Variants in NUP153 observed in about 807,000 individuals in gnomAD.
NUP153 encodes the protein nucleoporin 153.
In NUP153, 27 loss-of-function variants were observed where a neutral mutation model predicts 134.6. That is an observed-to-expected ratio of 0.20 (90% confidence interval 0.15 to 0.28). NUP153 has a LOEUF of 0.28. Among genes scored for constraint, NUP153 ranks in the 10% least tolerant of loss-of-function variants. The probability of loss-of-function intolerance (pLI) is 1.00; values close to 1 mark genes in which losing one functional copy is unlikely to be tolerated. For synonymous variants in NUP153, 640 were observed against 623.5 expected, an observed-to-expected ratio of 1.03 and a Z score of -0.40; for missense variants, 1,821 against 1,731.3, an observed-to-expected ratio of 1.05 and a Z score of -0.92.
At chr6:17,651,791 A>T in intron 11 of NUP153, 1 of 561,524 alleles carries the variant, frequency 1.8e-6, no homozygotes. Flanking sequence ...AGGGCCTCAA[A>T]ATCCATGAAA....
At chr6:17,648,139 AC>A (rs1461846973) in intron 12 of NUP153, among the ~76,000 whole-genome samples, 1 of 152,210 alleles carries the variant, frequency 6.6e-6, no homozygotes, top group African/African-American at 2.4e-5. Flanking sequence ...AAGTAAAGTA[AC>A]ATCTATAAGA....
chr6:17,704,091 G>C (rs1255255375), intron 1 of NUP153, among the ~76,000 whole-genome samples: 1 of 152,218 alleles, frequency 6.6e-6, no homozygotes, highest in African/African-American at 2.4e-5. Flanking sequence ...AGGAGATCGA[G>C]ATCGTCCTGG....
At chr6:17,656,814 T>C (rs916878051) in intron 11 of NUP153, among the ~76,000 whole-genome samples, 1 of 152,214 alleles carries the variant, frequency 6.6e-6, no homozygotes, top group African/African-American at 2.4e-5. Context: ...ACGTGCACAG[T>C]TGTCTCTTCA....
At chr6:17,645,951 G>T in intron 14 of NUP153, 116 bp downstream of exon 14, 1 of 465,650 alleles carries the variant, frequency 2.1e-6, no homozygotes, top group East Asian at 3.5e-5. Context: ...GCTTTTCAGA[G>T]CTAATTTCAT....
At chr6:17,704,248 C>T (rs924957483) in intron 1 of NUP153, among the ~76,000 whole-genome samples, 3 of 150,692 alleles carry the variant, frequency 2.0e-5, no homozygotes, top group African/African-American at 4.9e-5. Flanking sequence ...GCCAAGATCG[C>T]GCCACTGCAC....
At chr6:17,667,735 G>A (rs1767626438) in intron 8 of NUP153, among the ~76,000 whole-genome samples, 1 of 152,018 alleles carries the variant, frequency 6.6e-6, no homozygotes, top group Admixed American at 6.6e-5. Flanking sequence ...AGAAAAAAAA[G>A]AAAAATCCAA....
intron 1 of NUP153, among the ~76,000 whole-genome samples, chr6:17,694,448 CAA>C: frequency 6.6e-6 from 1 of 152,190 alleles, no homozygotes; most frequent in Middle Eastern, 3.4e-3. Flanking sequence ...TACCTGAGGT[CAA>C]GAGTTCAAGA....
intron 17 of NUP153, among the ~76,000 whole-genome samples, chr6:17,632,256 G>T (rs1432290343): frequency 6.6e-6 from 1 of 152,008 alleles, no homozygotes; most frequent in South Asian, 2.1e-4. Flanking sequence ...AGCAGAGATC[G>T]CGCCCCCGTA....
chr6:17,661,739 C>T lies in NUP153; in HGVS notation c.1309G>A (p.Gly437Ser), dbSNP rs1767197447. 1 of 1,613,354 alleles carries T rather than the reference C, an allele frequency of 6.2e-7. No homozygotes were observed. Among genetic ancestry groups the T allele is most frequent in the South Asian group, 1.1e-5 (1 of 90,918 alleles). Residue 437 changes from glycine to serine, a missense_variant, in exon 11 of 22, where the codon GGT becomes AGT. Physicochemically the swap from Gly to Ser is moderately conservative, Grantham distance 56. Coordinates refer to ENST00000262077, the MANE Select transcript of NUP153 (RefSeq NM_005124.4). Reference sequence around the variant, plus strand: ...CCACCACCTACTCCAGAAGATAAACCATTGGCTGCAGGCAAACTGAAATTT... The same window carrying T: ...CCACCACCTACTCCAGAAGATAAACTATTGGCTGCAGGCAAACTGAAATTT... The part of the protein sequence containing the change: ...YPNFSLPAAN[G>S]LSSGVGGGGG...
At chr6:17,642,573 G>C (rs1438992521) in intron 14 of NUP153, among the ~76,000 whole-genome samples, 3 of 152,206 alleles carry the variant, frequency 2.0e-5, no homozygotes, top group Non-Finnish European at 4.4e-5. Flanking sequence ...TGGTGAAGTT[G>C]TATACTGCTA....
chr6:17,629,266 T>C lies in NUP153; in HGVS notation c.2933A>G (p.Asn978Ser), dbSNP rs1009020190. 5 of 1,611,994 alleles carry C rather than the reference T, an allele frequency of 3.1e-6. No individual in the cohort carries two copies. The African/African-American group carries it at 6.7e-5, about 22-fold the overall frequency. Reference protein sequence around the residue: ...KPEEVKKDSKNDNFKFGLSSG... With the variant: ...KPEEVKKDSKSDNFKFGLSSG... ...AGAAAGTCCAAACTTAAAATTATCATTCTTACTATCTTTTTTAACTTCTTC... is the reference window on the plus strand; with the variant it reads ...AGAAAGTCCAAACTTAAAATTATCACTCTTACTATCTTTTTTAACTTCTTC... The change falls in exon 18 of 22, where the codon AAT (asparagine) becomes AGT (serine). Residue 978 changes from asparagine to serine, a missense_variant. By Grantham distance (46) the Asn-to-Ser change is conservative. Transcript: ENST00000262077.
Position 17,674,897 on chromosome 6 carries a change from G to T in NUP153, c.852+8C>A. ...AAAAAGATCATCAACCCTTCTATTG[G>T]AACCTACCTGATAAGGTGTATTTCG... On this transcript the variant is annotated splice_region_variant and intron_variant, in intron 5 of 21. Transcript: ENST00000262077. The T allele has an allele frequency of 6.3e-7, 1 of 1,574,880 alleles. No individual in the cohort carries two copies.
Position 17,675,390 on chromosome 6 carries a change from C to G in NUP153, c.584-22G>C. ...ATATCTGAAACAAAATTACATAATC[C>G]ATAGTAATAACACCAATACAAGAGC... On this transcript the variant is annotated intron_variant, in intron 3 of 21. Coordinates refer to ENST00000262077, the MANE Select transcript of NUP153 (RefSeq NM_005124.4). This position sits in a 1 kb window ranked among gnomAD's most constrained non-coding sequence, Gnocchi z 4.4. 1 of 1,609,456 alleles carries G rather than the reference C, an allele frequency of 6.2e-7. No homozygotes were observed. The highest frequency in any genetic ancestry group is 1.1e-5 in the South Asian group (1 of 90,592).
At chr6:17,684,731 C>T (rs1295227301) in intron 2 of NUP153, among the ~76,000 whole-genome samples, 7 of 152,216 alleles carry the variant, frequency 4.6e-5, no homozygotes, top group South Asian at 2.1e-4. Context: ...GGATAAAAGA[C>T]GGGGAACTCT....
chr6:17,654,953 T>TA (rs1366896790), intron 11 of NUP153, among the ~76,000 whole-genome samples: 2 of 152,080 alleles, frequency 1.3e-5, no homozygotes, highest in Non-Finnish European at 2.9e-5. Flanking sequence ...ATTTTACAGA[T>TA]AAAAAAACTG....
chr6:17,675,349 G>A lies in NUP153; in HGVS notation c.603C>T (p.Asn201=), dbSNP rs1768157400. Residue 201 remains asparagine, a synonymous_variant, in exon 4 of 22, where the codon AAC becomes AAT. Transcript: ENST00000262077. The surrounding 1 kb of genome is among the most constrained non-coding windows in gnomAD (Gnocchi z 4.4). ...ASDKDITVSK[N]TSLPPLWSPE... The stretch of plus-strand genomic sequence containing the variant: ...GGGACCACAGAGGTGGCAATGAAGT[G>A]TTCTTTGAAACAGTTATATCTGAAA... 1 of 1,613,732 alleles carries A rather than the reference G, an allele frequency of 6.2e-7. No homozygotes were observed. Among genetic ancestry groups the A allele is most frequent in the Non-Finnish European group, 8.5e-7 (1 of 1,179,884 alleles).
Position 17,706,518 on chromosome 6 carries a change from G to A in NUP153, c.-131C>T. ...TCCGCCCGCGCTGTCCACACAGTGG[G>A]CACAAGCACCCCAGGAACCGCGAGG... On this transcript the variant is annotated 5_prime_UTR_variant, in exon 1 of 22. Coordinates refer to ENST00000262077, the MANE Select transcript of NUP153 (RefSeq NM_005124.4). This position sits in a 1 kb window ranked among gnomAD's most constrained non-coding sequence, Gnocchi z 5.9. The A allele has an allele frequency of 4.7e-6, 3 of 644,698 alleles. No individual in the cohort carries two copies. The highest frequency in any genetic ancestry group is 2.8e-5 in the East Asian group (1 of 35,142). 39.9% of individuals were successfully genotyped at this position (644,698 alleles called of 1,614,324 possible).
chr6:17,697,070 C>CA (rs11363029), intron 1 of NUP153, among the ~76,000 whole-genome samples: 445 of 126,804 alleles, frequency 3.5e-3, no homozygotes, highest in Middle Eastern at 9.1e-3. Context: ...GACTCCGTCT[C>CA]AAAAAAAAAA....
At chr6:17,644,384 A>ACATC (rs1302855184) in intron 14 of NUP153, among the ~76,000 whole-genome samples, 1 of 152,178 alleles carries the variant, frequency 6.6e-6, no homozygotes, top group East Asian at 1.9e-4. Flanking sequence ...AAATCATTCA[A>ACATC]CATCTCCCTA....
Sources: gnomAD v4.1 joint callset for allele counts (sites outside exome capture counted in the v4.1 genomes callset) on GRCh38, gnomAD v4.1.1 for gene constraint, Gnocchi (gnomAD v3.1) non-coding constraint, MANE v1.5 for transcripts, NCBI Gene and HGNC (gene_info 2026-07-23, HGNC 2026-07-21) for gene names.